PACSIN3: variants seen among roughly 807,000 people sequenced by gnomAD.
PACSIN3 encodes the protein protein kinase C and casein kinase substrate in neurons 3, also known as protein kinase C and casein kinase substrate in neurons protein 3.
PACSIN3 carries 34 observed loss-of-function variants against 56.1 expected under a neutral mutation model. That is an observed-to-expected ratio of 0.61 (90% CI 0.46 to 0.81). The LOEUF (loss-of-function observed/expected upper bound fraction) is 0.81, where lower values mean the gene tolerates loss of function less well. Ranked by LOEUF, PACSIN3 falls within the 30% of genes least tolerant of loss-of-function variation. PACSIN3 has a pLI of 0.00. For missense variants in PACSIN3, 535 were observed against 592.4 expected, an observed-to-expected ratio of 0.90 and a Z score of 1.01; for synonymous variants, 218 against 229.8, an observed-to-expected ratio of 0.95 and a Z score of 0.46.
chr11:47,179,924 G>A lies in PACSIN3; in HGVS notation c.603+262C>T, dbSNP rs1420821904. ...CCAGAGCTGCAGGAAAGGACACTTC[G>A]GGCAAAGGGTACTGTGCAAGGAAAA... is the stretch of plus-strand genomic sequence containing the variant. On this transcript the variant is annotated intron_variant, in intron 6 of 10. Transcript: ENST00000298838. The surrounding 1 kb of genome is among the most constrained non-coding windows in gnomAD (Gnocchi z 4.4). Among the ~76,000 whole-genome samples, 1 of 152,144 alleles carries A rather than the reference G, an allele frequency of 6.6e-6. No homozygotes were observed. Among genetic ancestry groups the A allele is most frequent in the East Asian group, 1.9e-4 (1 of 5,196 alleles).
At chr11:47,182,843 G>A in intron 2 of PACSIN3, 79 bp from the exon 3 acceptor site, 1 of 1,110,006 alleles carries the variant, frequency 9.0e-7, no homozygotes, top group South Asian at 1.6e-5. Context: ...CTATACCTGG[G>A]CCTCGCCCCA....
In PACSIN3 at chr11:47,179,293, C is replaced by G. The variant is rs1565138344; in HGVS notation, c.780-14G>C. 1 of 1,614,050 alleles carries G rather than the reference C, an allele frequency of 6.2e-7. No individual in the cohort carries two copies. On this transcript the variant is annotated splice_polypyrimidine_tract_variant and intron_variant, in intron 7 of 10. Transcript: ENST00000298838. This position sits in a 1 kb window ranked among gnomAD's most constrained non-coding sequence, Gnocchi z 4.4. ...AGTTCATGGAACCTATGACCCAAGG[C>G]ACACCCCTCAGTCTAGGAAGTCTAG... is the stretch of plus-strand genomic sequence containing the variant.
rs116698581 is a variant in PACSIN3 at position 47,180,579 on chromosome 11, T to G, written c.323A>C (p.Glu108Ala). Reference protein sequence around the residue: ...VREKLQGQDSERVRAWQRGAF... With the variant: ...VREKLQGQDSARVRAWQRGAF... ...CCCCCGCTGCCAGGCGCGCACCCGCTCACTGTCCTGCCCTTGCAGCTTCTC... is the reference window on the plus strand; with the variant it reads ...CCCCCGCTGCCAGGCGCGCACCCGCGCACTGTCCTGCCCTTGCAGCTTCTC... The change falls in exon 5 of 11, where the codon GAG (glutamate) becomes GCG (alanine). Residue 108 changes from glutamate (E) to alanine (A), a missense_variant. By Grantham distance (107) the Glu-to-Ala change is moderately radical. Transcript: ENST00000298838. 114 of 1,604,582 alleles carry G rather than the reference T, an allele frequency of 7.1e-5. No individual in the cohort carries two copies. Among genetic ancestry groups the G allele is most frequent in the Non-Finnish European group, 9.7e-5 (114 of 1,179,800 alleles).
intron 1 of PACSIN3, among the ~76,000 whole-genome samples, chr11:47,183,642 G>A (rs553625841): frequency 1.3e-5 from 2 of 152,338 alleles, no homozygotes; most frequent in South Asian, 2.1e-4. Flanking sequence ...GCAAGGCTCC[G>A]TGGGGAACAC....
intron 1 of PACSIN3, 166 bp from the exon 2 acceptor site, chr11:47,183,235 G>A (rs1953062880): frequency 6.6e-6 from 1 of 152,352 alleles, no homozygotes; most frequent in Non-Finnish European, 1.5e-5. Flanking sequence ...GCGGGGGTGG[G>A]CGGTGGGCAG....
intron 4 of PACSIN3, among the ~76,000 whole-genome samples, chr11:47,181,009 T>C (rs1306736088): frequency 3.9e-5 from 6 of 152,162 alleles, no homozygotes; most frequent in Non-Finnish European, 8.8e-5. Flanking sequence ...ACTCCTGTAA[T>C]CCCAGCACTT....
chr11:47,179,255 C>A lies in PACSIN3; in HGVS notation c.804G>T (p.Leu268Phe), dbSNP rs763237797. 6.2e-6 allele frequency: 10 copies of A among 1,614,034 alleles called. No homozygotes were observed. In the South Asian group the frequency reaches 1.1e-4, roughly 18 times the overall value. Reference protein sequence around the residue: ...SEKFHELHRDLHQGIEAASDE... With the variant: ...SEKFHELHRDFHQGIEAASDE... ...CACTGGCTGCCTCAATGCCCTGGTG[C>A]AAGTCACGGTGGAGTTCATGGAACC... The change falls in exon 8 of 11, where the codon TTG (leucine) becomes TTT (phenylalanine). Residue 268 changes from leucine to phenylalanine, a missense_variant. Physicochemically the swap from Leu to Phe is conservative, Grantham distance 22. Coordinates refer to ENST00000298838, the MANE Select transcript of PACSIN3 (RefSeq NM_016223.5). This position sits in a 1 kb window ranked among gnomAD's most constrained non-coding sequence, Gnocchi z 4.4.
In PACSIN3 at chr11:47,182,752, G is replaced by A. The variant is rs1456508144; in HGVS notation, c.-25C>T. 2 of 1,604,428 alleles carry A rather than the reference G, an allele frequency of 1.2e-6. No homozygotes were observed. Among genetic ancestry groups the A allele is most frequent in the Non-Finnish European group, 1.7e-6 (2 of 1,175,984 alleles). On this transcript the variant is annotated 5_prime_UTR_variant, in exon 3 of 11. Transcript: ENST00000298838. ...TGGTGTCCCCGCAGCACGGAATGGTGGCGGATTTGGGGCTGTGGAGGGCAG... is the reference window on the plus strand; with the variant it reads ...TGGTGTCCCCGCAGCACGGAATGGTAGCGGATTTGGGGCTGTGGAGGGCAG...
rs957495077 is a variant in PACSIN3 at position 47,177,924 on chromosome 11, A to G, written c.*7T>C. ...GGGTAAACGTTGCAGAAGGGCTGTC[A>G]GGACACTCAGGCGCCCACACACTCC... On this transcript the variant is annotated 3_prime_UTR_variant, in exon 11 of 11. Transcript: ENST00000298838. 3.7e-6 allele frequency: 6 copies of G among 1,607,860 alleles called. No homozygotes were observed. Among genetic ancestry groups the G allele is most frequent in the Non-Finnish European group, 4.3e-6 (5 of 1,174,404 alleles).
chr11:47,179,137 C>G lies in PACSIN3; in HGVS notation c.900+22G>C, dbSNP rs1221605741. On this transcript the variant is annotated intron_variant, in intron 8 of 10. Transcript: ENST00000298838. The surrounding 1 kb of genome is among the most constrained non-coding windows in gnomAD (Gnocchi z 4.4). ...TGGGAGCCCATCCCACCTCCCATCC[C>G]CACCCCGCCTGGAACACATGCCTCG... The G allele has an allele frequency of 6.2e-6, 10 of 1,613,408 alleles. No homozygotes were observed. The highest frequency in any genetic ancestry group is 7.6e-6 in the Non-Finnish European group (9 of 1,179,854).
intron 6 of PACSIN3, 32 bp downstream of exon 6, chr11:47,180,154 C>T (rs761608881): frequency 3.0e-5 from 48 of 1,587,088 alleles, no homozygotes; most frequent in Non-Finnish European, 3.9e-5. Context: ...GTGCCCTGGG[C>T]GGGGGCCAGG....
Position 47,179,479 on chromosome 11 carries a change from C to A in PACSIN3, c.711G>T (p.Gln237His). Residue 237 changes from glutamine (Q) to histidine (H), a missense_variant, in exon 7 of 11, where the codon CAG becomes CAT. Transcript: ENST00000298838. The surrounding 1 kb of genome is among the most constrained non-coding windows in gnomAD (Gnocchi z 4.4). ...GCATATCCTTGAAGAAAAGAAGCCG[C>A]TGGCGCTCGGCGGCCTGGCAGGTCT... ...AFETCQAAERQRLLFFKDMLL... is the reference protein window; with the variant it reads ...AFETCQAAERHRLLFFKDMLL... 1 of 1,614,058 alleles carries A rather than the reference C, an allele frequency of 6.2e-7. No individual in the cohort carries two copies.
intron 3 of PACSIN3, 28 bp downstream of exon 3, chr11:47,182,646 T>C: frequency 1.2e-6 from 2 of 1,607,516 alleles, no homozygotes; most frequent in Non-Finnish European, 8.5e-7. Flanking sequence ...CCTAGACAAG[T>C]AGCTGAGCCC....
In PACSIN3 at chr11:47,180,701, G is replaced by A; in HGVS notation, c.212-11C>T. The A allele has an allele frequency of 1.3e-6, 2 of 1,587,206 alleles. No homozygotes were observed. The highest frequency in any genetic ancestry group is 1.7e-6 in the Non-Finnish European group (2 of 1,172,092). On this transcript the variant is annotated splice_polypyrimidine_tract_variant and intron_variant, in intron 4 of 10. Coordinates refer to ENST00000298838, the MANE Select transcript of PACSIN3 (RefSeq NM_016223.5). Reference sequence around the variant, plus strand: ...TGCCATACTGGGGGCCTGCAGGGAGGGACAGGGCTTAGGCCAGGCCTGGGT... The same window carrying A: ...TGCCATACTGGGGGCCTGCAGGGAGAGACAGGGCTTAGGCCAGGCCTGGGT...
intron 1 of PACSIN3, among the ~76,000 whole-genome samples, chr11:47,183,592 G>C (rs1334956410): frequency 1.3e-5 from 2 of 152,232 alleles, no homozygotes; most frequent in Non-Finnish European, 2.9e-5. Flanking sequence ...CTGCAGTCAC[G>C]GAAGATACTC....
rs1590977375 is a variant in PACSIN3 at position 47,186,238 on chromosome 11, C to T, written c.-104+111G>A. The T allele has an allele frequency of 6.6e-6, 1 of 152,042 alleles. No homozygotes were observed. The highest frequency in any genetic ancestry group is 6.5e-5 in the Admixed American group (1 of 15,280). The allele number at this position is 152,042 out of a possible 1,614,324, so 9.4% of individuals were successfully genotyped here. A position where few individuals can be genotyped will look rare whatever the true frequency, so the allele number is the denominator to read the frequency against. On this transcript the variant is annotated intron_variant, in intron 1 of 10. Transcript: ENST00000298838. This position sits in a 1 kb window ranked among gnomAD's most constrained non-coding sequence, Gnocchi z 4.5. The stretch of plus-strand genomic sequence containing the variant: ...GCAGAGCGGGGTGGCCGGGGGCTCC[C>T]TGGGCGGGAGTCGGCTCCATTGCAA...
In PACSIN3 at chr11:47,178,492, A is replaced by C; in HGVS notation, c.1038-5T>G. ...CACTCCTCATCCTGCCCCGTGCTGG[A>C]GAGGGGAGGCAAAGGGAGCAGCTCA... On this transcript the variant is annotated splice_region_variant and splice_polypyrimidine_tract_variant and intron_variant, in intron 9 of 10. Coordinates refer to ENST00000298838, the MANE Select transcript of PACSIN3 (RefSeq NM_016223.5). This position sits in a 1 kb window ranked among gnomAD's most constrained non-coding sequence, Gnocchi z 4.2. 1 of 1,613,220 alleles carries C rather than the reference A, an allele frequency of 6.2e-7. No individual in the cohort carries two copies. Among genetic ancestry groups the C allele is most frequent in the Non-Finnish European group, 8.5e-7 (1 of 1,179,774 alleles).
rs1287036566 is a variant in PACSIN3 at position 47,179,191 on chromosome 11, G to C, written c.868C>G (p.Pro290Ala). 6.2e-7 allele frequency: 1 copy of C among 1,613,742 alleles called. No homozygotes were observed. Among genetic ancestry groups the C allele is most frequent in the Non-Finnish European group, 8.5e-7 (1 of 1,180,034 alleles). ...DLRWWRSTHGPGMAMNWPQFE... is the reference protein window; with the variant it reads ...DLRWWRSTHGAGMAMNWPQFE... ...TGTGGCCAGTTCATGGCCATGCCTG[G>C]CCCGTGGGTGCTGCGCCACCAGCGC... The change falls in exon 8 of 11, where the codon CCA becomes GCA. Residue 290 changes from proline (P) to alanine (A), a missense_variant. Physicochemically the swap from Pro to Ala is conservative, Grantham distance 27. Coordinates refer to ENST00000298838, the MANE Select transcript of PACSIN3 (RefSeq NM_016223.5). This position sits in a 1 kb window ranked among gnomAD's most constrained non-coding sequence, Gnocchi z 4.4.
intron 6 of PACSIN3, 81 bp downstream of exon 6, chr11:47,180,105 G>T: frequency 1.5e-6 from 2 of 1,338,136 alleles, no homozygotes; most frequent in Non-Finnish European, 1.0e-6. Flanking sequence ...GCTGGGGACT[G>T]GACAAGATGT....
Sources: gnomAD v4.1 joint callset for allele counts (sites outside exome capture counted in the v4.1 genomes callset) on GRCh38, gnomAD v4.1.1 for gene constraint, Gnocchi (gnomAD v3.1) non-coding constraint, MANE v1.5 for transcripts, NCBI Gene and HGNC (gene_info 2026-07-23, HGNC 2026-07-21) for gene names.